The following GALNTL6 variants were observed in gnomAD, a reference collection of about 807,000 sequenced individuals.
GALNTL6 encodes the protein polypeptide N-acetylgalactosaminyltransferase like 6, also known as polypeptide N-acetylgalactosaminyltransferase-like 6.
A neutral mutation model predicts 73.7 loss-of-function variants in GALNTL6; 46 were observed. That is an observed-to-expected ratio of 0.62 (90% CI 0.49 to 0.80). The LOEUF (loss-of-function observed/expected upper bound fraction) is 0.80. Among genes scored for constraint, GALNTL6 ranks in the 30% least tolerant of loss-of-function variants. The pLI is 0.00. For synonymous variants in GALNTL6, 259 were observed against 263.7 expected, an observed-to-expected ratio of 0.98 and a Z score of 0.17; for missense variants, 604 against 755.0, an observed-to-expected ratio of 0.80 and a Z score of 2.34.
At chr4:172,415,762 G>A (rs1409330731) in intron 5 of GALNTL6, among the ~76,000 whole-genome samples, 2 of 152,132 alleles carry the variant, frequency 1.3e-5, no homozygotes, top group Non-Finnish European at 2.9e-5. Flanking sequence ...CCGAGTGAGA[G>A]GGTTGTGATC....
intron 2 of GALNTL6, among the ~76,000 whole-genome samples, chr4:171,857,631 T>C (rs991908622): frequency 1.3e-5 from 2 of 152,192 alleles, no homozygotes; most frequent in African/African-American, 4.8e-5. Context: ...ATTAATGATG[T>C]GATAATAGCG....
intron 7 of GALNTL6, among the ~76,000 whole-genome samples, chr4:172,869,614 G>A (rs1009434240): frequency 5.3e-5 from 8 of 152,166 alleles, no homozygotes; most frequent in South Asian, 4.1e-4. Flanking sequence ...AACACTCACT[G>A]TCAACATAAT....
intron 5 of GALNTL6, among the ~76,000 whole-genome samples, chr4:172,502,978 A>T (rs1391928360): frequency 6.6e-6 from 1 of 152,224 alleles, no homozygotes; most frequent in African/African-American, 2.4e-5. Context: ...TATTACAGAA[A>T]TCTCGGATAA....
intron 10 of GALNTL6, among the ~76,000 whole-genome samples, chr4:172,973,876 G>A (rs1750688397): frequency 2.0e-5 from 3 of 152,176 alleles, no homozygotes; most frequent in Non-Finnish European, 2.9e-5. Context: ...TATTGACTTC[G>A]AAACGCTCCA....
chr4:172,180,905 T>C (rs1490409186), intron 2 of GALNTL6, among the ~76,000 whole-genome samples: 1 of 152,212 alleles, frequency 6.6e-6, no homozygotes, highest in Non-Finnish European at 1.5e-5. Context: ...TTTGTTCTTT[T>C]TGCTTAGGAT....
chr4:172,081,183 G>A (rs1006945566), intron 2 of GALNTL6, among the ~76,000 whole-genome samples: 3 of 152,210 alleles, frequency 2.0e-5, no homozygotes, highest in Non-Finnish European at 4.4e-5. Context: ...CCTCAAAAGG[G>A]CATATAATGG....
At chr4:172,534,273 G>A (rs1238125268) in intron 5 of GALNTL6, among the ~76,000 whole-genome samples, 1 of 152,178 alleles carries the variant, frequency 6.6e-6, no homozygotes, top group Non-Finnish European at 1.5e-5. Context: ...CTTATAGAAA[G>A]AGTGGCCTTC....
intron 5 of GALNTL6, among the ~76,000 whole-genome samples, chr4:172,796,744 C>T (rs1232034558): frequency 6.6e-6 from 1 of 152,144 alleles, no homozygotes; most frequent in African/African-American, 2.4e-5. Context: ...CCATTTCCTG[C>T]ATATTTCCTT....
At chr4:172,346,192 T>G (rs923929698) in intron 4 of GALNTL6, among the ~76,000 whole-genome samples, 6 of 152,228 alleles carry the variant, frequency 3.9e-5, no homozygotes, top group African/African-American at 9.6e-5. Context: ...TACCTTGAGC[T>G]ACACACCCAC....
chr4:172,060,991 ATG>A (rs1731181713), intron 2 of GALNTL6, among the ~76,000 whole-genome samples: 2 of 152,208 alleles, frequency 1.3e-5, no homozygotes, highest in Non-Finnish European at 1.5e-5. Flanking sequence ...CATTAGGAAT[ATG>A]TTTGGTACTA....
chr4:172,408,147 C>A (rs1313354413), intron 5 of GALNTL6, among the ~76,000 whole-genome samples: 2 of 151,906 alleles, frequency 1.3e-5, no homozygotes, highest in Non-Finnish European at 2.9e-5. Flanking sequence ...TTTTATTGAC[C>A]CGTGAACTTG....
intron 5 of GALNTL6, among the ~76,000 whole-genome samples, chr4:172,374,134 T>G (rs1411814910): frequency 2.0e-5 from 3 of 152,242 alleles, no homozygotes; most frequent in African/African-American, 7.2e-5. Context: ...TGTTTCTCAT[T>G]GGACAATCTT....
intron 2 of GALNTL6, among the ~76,000 whole-genome samples, chr4:171,842,057 TA>T (rs1156424500): frequency 6.6e-6 from 1 of 152,154 alleles, no homozygotes; most frequent in African/African-American, 2.4e-5. Context: ...TGTGCAATAG[TA>T]ATTGAATTTT....
At chr4:171,945,049 T>G (rs1738661931) in intron 2 of GALNTL6, among the ~76,000 whole-genome samples, 2 of 152,086 alleles carry the variant, frequency 1.3e-5, no homozygotes, top group Admixed American at 1.3e-4. Flanking sequence ...AAATGCCTCT[T>G]GAGAAGATGG....
At chr4:172,914,185 G>A (rs1482093767) in intron 8 of GALNTL6, among the ~76,000 whole-genome samples, 2 of 152,180 alleles carry the variant, frequency 1.3e-5, no homozygotes, top group African/African-American at 4.8e-5. Context: ...AGCCTTTACA[G>A]ACAAGCAAAT....
chr4:171,902,720 G>T (rs992144145), intron 2 of GALNTL6, among the ~76,000 whole-genome samples: 1 of 152,164 alleles, frequency 6.6e-6, no homozygotes, highest in African/African-American at 2.4e-5. Context: ...TTTCTCTCTT[G>T]TAGGACTTCT....
At chr4:172,927,690 A>G (rs1748129914) in intron 8 of GALNTL6, among the ~76,000 whole-genome samples, 3 of 152,138 alleles carry the variant, frequency 2.0e-5, no homozygotes, top group African/African-American at 7.2e-5. Flanking sequence ...AAGTAAAGGT[A>G]TTTACCCAAT....
intron 2 of GALNTL6, among the ~76,000 whole-genome samples, chr4:171,929,851 G>C (rs750099632): frequency 1.3e-5 from 2 of 152,158 alleles, no homozygotes; most frequent in Admixed American, 6.5e-5. Flanking sequence ...AGCAGCCCCA[G>C]CTCCCTGGAA....
Position 172,263,177 on chromosome 4 carries a change from C to G in GALNTL6, c.247+33413C>G, listed in dbSNP as rs1278332671. 3.3e-5 allele frequency among the ~76,000 whole-genome samples: 5 copies of G among 151,482 alleles called. No homozygotes were observed. In the East Asian group the frequency reaches 9.7e-4, roughly 29 times the overall value. On this transcript the variant is annotated intron_variant, in intron 3 of 12. Coordinates refer to ENST00000506823, the MANE Select transcript of GALNTL6 (RefSeq NM_001034845.3). ...TGGATGTCTAAATCTCTAGCAAGGCCAGGGAAGTTTTCCTCAATTATTCCC... is the reference window on the plus strand; with the variant it reads ...TGGATGTCTAAATCTCTAGCAAGGCGAGGGAAGTTTTCCTCAATTATTCCC...
Sources: allele counts gnomAD v4.1 joint callset (sites outside exome capture counted in the v4.1 genomes callset), GRCh38; gene constraint gnomAD v4.1.1; transcripts MANE v1.5; gene names NCBI Gene and HGNC (gene_info 2026-07-23, HGNC 2026-07-21).